NLGN1: variants seen among roughly 807,000 people sequenced by gnomAD.
The protein encoded by NLGN1 is neuroligin 1, also known as neuroligin-1.
A neutral mutation model predicts 65.5 loss-of-function variants in NLGN1; 12 were observed. The observed-to-expected ratio is 0.18, with a 90% CI of 0.12 to 0.30. The LOEUF (loss-of-function observed/expected upper bound fraction) is 0.30, where lower values mean the gene tolerates loss of function less well. NLGN1 is among the 10% of genes least tolerant of loss of function. NLGN1 has a pLI of 1.00. For missense variants in NLGN1, 750 were observed against 1,007.1 expected (o/e 0.74, Z 3.46); for synonymous variants, 350 against 359.5 (o/e 0.97, Z 0.30).
chr3:173,888,973 A>G (rs1734849876), intron 4 of NLGN1, among the ~76,000 whole-genome samples: 1 of 152,166 alleles, frequency 6.6e-6, no homozygotes, highest in South Asian at 2.1e-4. Context: ...CTGTTATTAG[A>G]GTAGAATACT....
intron 4 of NLGN1, among the ~76,000 whole-genome samples, chr3:173,989,296 T>G (rs1041849727): frequency 6.6e-6 from 1 of 152,170 alleles, no homozygotes; most frequent in Non-Finnish European, 1.5e-5. Context: ...TAAAAAGAAG[T>G]AATCCTTAGC....
intron 2 of NLGN1, among the ~76,000 whole-genome samples, chr3:173,553,346 A>T (rs137913344): frequency 6.6e-6 from 1 of 152,228 alleles, no homozygotes; most frequent in South Asian, 2.1e-4. Flanking sequence ...GTCCACTAGA[A>T]TAGGAATGGC....
At chr3:173,654,763 T>C (rs906715334) in intron 3 of NLGN1, among the ~76,000 whole-genome samples, 23 of 152,184 alleles carry the variant, frequency 1.5e-4, no homozygotes, top group Non-Finnish European at 4.4e-5. Context: ...TAGATAGATA[T>C]CTGAGAACTG....
At chr3:174,136,615 A>G (rs1721263167) in intron 4 of NLGN1, 1 of 152,120 alleles carries the variant, frequency 6.6e-6, no homozygotes, top group South Asian at 2.1e-4. Context: ...GACTCTGTTC[A>G]TTAGGTTCAG....
rs1336906354 is a variant in NLGN1, at chr3:173,946,422, G to C, written c.646+138590G>C. ...GTATTTTTATTTAGCAATAGTTTAT[G>C]AACATTTCCTTTGTCAATAGTATTG... On this transcript the variant is annotated intron_variant, in intron 4 of 6. Coordinates refer to ENST00000457714, the Ensembl canonical transcript of NLGN1. Among the ~76,000 whole-genome samples, 4 of 152,226 alleles carry C rather than the reference G, an allele frequency of 2.6e-5. No individual in the cohort carries two copies. In the East Asian group the frequency reaches 7.7e-4, roughly 29 times the overall value.
intron 3 of NLGN1, among the ~76,000 whole-genome samples, chr3:173,645,455 T>C (rs1758099017): frequency 6.6e-6 from 1 of 152,186 alleles, no homozygotes; most frequent in South Asian, 2.1e-4. Flanking sequence ...CACTATTCCT[T>C]GTGCTTTGGG....
intron 2 of NLGN1, among the ~76,000 whole-genome samples, chr3:173,523,569 A>G (rs1735131091): frequency 6.6e-6 from 1 of 151,606 alleles, no homozygotes; most frequent in Admixed American, 6.6e-5. Flanking sequence ...GGTTATAGAT[A>G]TGTGGCTTTA....
chr3:174,119,131 T>C (rs999979749), intron 4 of NLGN1, among the ~76,000 whole-genome samples: 1 of 152,142 alleles, frequency 6.6e-6, no homozygotes, highest in East Asian at 1.9e-4. Context: ...TCTCAAATAA[T>C]AGTAAGTTTA....
chr3:173,952,479 A>G (rs747415765), intron 4 of NLGN1, among the ~76,000 whole-genome samples: 1 of 152,198 alleles, frequency 6.6e-6, no homozygotes, highest in Non-Finnish European at 1.5e-5. Flanking sequence ...GAAGCTAACA[A>G]ATGGCCTTAT....
chr3:173,767,354 T>G (rs142174897), intron 3 of NLGN1, among the ~76,000 whole-genome samples: 1,602 of 152,108 alleles, frequency 0.011, 28 homozygotes, highest in African/African-American at 0.037. Context: ...GGTAGATGAG[T>G]GATGGACAAA....
intron 2 of NLGN1, among the ~76,000 whole-genome samples, chr3:173,481,993 G>A (rs1202708729): frequency 2.0e-5 from 3 of 151,758 alleles, no homozygotes; most frequent in Non-Finnish European, 2.9e-5. Flanking sequence ...GAATTGCTGA[G>A]GTCTTTTATC....
intron 3 of NLGN1, among the ~76,000 whole-genome samples, chr3:173,677,377 G>A (rs1763309697): frequency 6.6e-6 from 1 of 151,920 alleles, no homozygotes; most frequent in Non-Finnish European, 1.5e-5. Context: ...AGCCTTTCTT[G>A]CATGTAACTC....
intron 2 of NLGN1, among the ~76,000 whole-genome samples, chr3:173,601,412 A>C (rs912370401): frequency 2.0e-5 from 3 of 151,892 alleles, no homozygotes; most frequent in Non-Finnish European, 4.4e-5. Flanking sequence ...TTTCCTTTCT[A>C]CTCAGAGATG....
chr3:174,194,447 C>CAA (rs1263233084), intron 4 of NLGN1, among the ~76,000 whole-genome samples: 16 of 113,622 alleles, frequency 1.4e-4, no homozygotes, highest in Admixed American at 1.9e-4. Context: ...GACTCCGTCT[C>CAA]AAAAAAAAAA....
intron 2 of NLGN1, among the ~76,000 whole-genome samples, chr3:173,560,876 C>T (rs571992576): frequency 5.8e-4 from 89 of 152,180 alleles, no homozygotes; most frequent in South Asian, 5.2e-3. Flanking sequence ...ATCTTTCTTT[C>T]TCTACACCCT....
In NLGN1 at chr3:173,830,055, T is replaced by A. The variant is rs981564695; in HGVS notation, c.646+22223T>A. ...AAAGAAGTCTTTGTGTCCAACTGAT[T>A]TATCAATATGTTTTCATCCATTTAA... On this transcript the variant is annotated intron_variant, in intron 4 of 6. Coordinates refer to ENST00000457714, the Ensembl canonical transcript of NLGN1. Among the ~76,000 whole-genome samples the A allele has an allele frequency of 5.3e-5, 8 of 151,990 alleles. No homozygotes were observed. The South Asian group carries it at 8.3e-4, about 16-fold the overall frequency.
intron 4 of NLGN1, among the ~76,000 whole-genome samples, chr3:174,180,200 A>C (rs111714093): frequency 2.0e-5 from 3 of 152,132 alleles, no homozygotes; most frequent in Non-Finnish European, 4.4e-5. Flanking sequence ...TTTAGCCTAC[A>C]TTAGGGAGGT....
intron 4 of NLGN1, among the ~76,000 whole-genome samples, chr3:174,166,032 G>A (rs1003056184): frequency 6.6e-6 from 1 of 151,894 alleles, no homozygotes; most frequent in Non-Finnish European, 1.5e-5. Flanking sequence ...CTGTGAGATT[G>A]GTTATAATGC....
chr3:174,260,110 G>C (rs1417258595), intron 4 of NLGN1, among the ~76,000 whole-genome samples: 1 of 151,868 alleles, frequency 6.6e-6, no homozygotes, highest in Non-Finnish European at 1.5e-5. Context: ...TTGGTTCCAA[G>C]TTTTTGCTAT....
Sources: allele counts gnomAD v4.1 joint callset (sites outside exome capture counted in the v4.1 genomes callset), GRCh38; gene constraint gnomAD v4.1.1; transcripts MANE v1.5; gene names NCBI Gene and HGNC (gene_info 2026-07-23, HGNC 2026-07-21).